The following SLC24A2 variants were observed in gnomAD, a reference collection of about 807,000 sequenced individuals.
SLC24A2 encodes the protein sodium/potassium/calcium exchanger 2.
Under a neutral mutation model 62.0 loss-of-function variants are expected in SLC24A2, and 36 were observed. The observed-to-expected ratio is 0.58, with a 90% CI of 0.44 to 0.77. The LOEUF (loss-of-function observed/expected upper bound fraction) is 0.77. Among genes scored for constraint, SLC24A2 ranks in the 30% least tolerant of loss-of-function variants. The probability of loss-of-function intolerance (pLI) is 0.00; values close to 1 mark genes in which losing one functional copy is unlikely to be tolerated. For synonymous variants in SLC24A2, 358 were observed against 294.0 expected, an observed-to-expected ratio of 1.22 and a Z score of -2.23; for missense variants, 846 against 817.9, an observed-to-expected ratio of 1.03 and a Z score of -0.42.
chr9:20,019,291 G>GAAAA, the SLC24A2 span, among the ~76,000 whole-genome samples: 1 of 149,844 alleles, frequency 6.7e-6, no homozygotes, highest in African/African-American at 2.5e-5. Context: ...AAGAAAGAAA[G>GAAAA]AAAGAAAGAA....
the SLC24A2 span, among the ~76,000 whole-genome samples, chr9:20,145,628 T>C: frequency 0.014 from 6 of 436 alleles, no homozygotes; most frequent in African/African-American, 0.018. Context: ...TGTGCACGTG[T>C]GCAATTACAC....
chr9:19,568,966 A>T (rs1368832754), intron 7 of SLC24A2, among the ~76,000 whole-genome samples: 1 of 152,176 alleles, frequency 6.6e-6, no homozygotes, highest in Non-Finnish European at 1.5e-5. Context: ...TTCCGTGTAC[A>T]AATATACTGG....
the SLC24A2 span, among the ~76,000 whole-genome samples, chr9:20,299,353 G>C: frequency 2.0e-5 from 3 of 152,322 alleles, no homozygotes; most frequent in African/African-American, 7.2e-5. Flanking sequence ...GAGCAGGTGG[G>C]AATACACTAA....
At chr9:19,570,977 G>C (rs1019426294) in intron 7 of SLC24A2, among the ~76,000 whole-genome samples, 5 of 152,186 alleles carry the variant, frequency 3.3e-5, no homozygotes, top group African/African-American at 1.2e-4. Context: ...TGGAGACCTA[G>C]GGCCACAGCT....
At chr9:19,932,942 G>A in the SLC24A2 span, among the ~76,000 whole-genome samples, 7 of 152,214 alleles carry the variant, frequency 4.6e-5, no homozygotes, top group Non-Finnish European at 1.0e-4. Flanking sequence ...GGAACCTAAG[G>A]CTGGAAGGCC....
At chr9:19,963,620 G>C in the SLC24A2 span, among the ~76,000 whole-genome samples, 1 of 152,220 alleles carries the variant, frequency 6.6e-6, no homozygotes, top group Non-Finnish European at 1.5e-5. Flanking sequence ...ATGAAAAAAT[G>C]CTCACCATCA....
At chr9:19,570,946 A>G (rs1045611814) in intron 7 of SLC24A2, among the ~76,000 whole-genome samples, 1 of 152,160 alleles carries the variant, frequency 6.6e-6, no homozygotes, top group Non-Finnish European at 1.5e-5. Context: ...GTGGTGCACA[A>G]ATCTGTCCTG....
At chr9:19,686,992 T>G (rs60591354) in intron 2 of SLC24A2, among the ~76,000 whole-genome samples, 5 of 152,124 alleles carry the variant, frequency 3.3e-5, no homozygotes, top group African/African-American at 1.2e-4. Flanking sequence ...GCAACATAGA[T>G]GGAGCTGGAG....
chr9:19,522,092 T>C (rs978682969), intron 9 of SLC24A2, among the ~76,000 whole-genome samples: 1 of 152,208 alleles, frequency 6.6e-6, no homozygotes, highest in Non-Finnish European at 1.5e-5. Context: ...CACTGCAGCC[T>C]CAACCTCCTG....
At chr9:20,261,086 C>A in the SLC24A2 span, among the ~76,000 whole-genome samples, 1 of 151,898 alleles carries the variant, frequency 6.6e-6, no homozygotes, top group Non-Finnish European at 1.5e-5. Flanking sequence ...GATCTCTTGA[C>A]CTCGTGATCT....
intron 2 of SLC24A2, among the ~76,000 whole-genome samples, chr9:19,636,315 T>TTTCCTTTTCTTTCCTTCC (rs1554690361): frequency 2.5e-5 from 1 of 40,328 alleles, no homozygotes; most frequent in Non-Finnish European, 4.7e-5. Flanking sequence ...TTTTCTTTTC[T>TTTCCTTTTCTTTCCTTCC]TTTCTTTCTT....
At chr9:19,956,998 A>G in the SLC24A2 span, among the ~76,000 whole-genome samples, 1 of 152,240 alleles carries the variant, frequency 6.6e-6, no homozygotes, top group African/African-American at 2.4e-5. Context: ...GACTGTGAGA[A>G]ATAAATTTCT....
chr9:20,019,296 A>AAAGAAAGG, the SLC24A2 span, among the ~76,000 whole-genome samples: 5 of 150,186 alleles, frequency 3.3e-5, no homozygotes, highest in African/African-American at 1.2e-4. Context: ...AGAAAGAAAG[A>AAAGAAAGG]AAGAAAGAAA....
intron 7 of SLC24A2, among the ~76,000 whole-genome samples, chr9:19,556,601 C>G (rs1010150430): frequency 6.6e-6 from 1 of 152,264 alleles, no homozygotes; most frequent in African/African-American, 2.4e-5. Context: ...CCAGTTGAGG[C>G]TTGATTCAGG....
At chr9:19,543,546 T>G (rs1188990890) in intron 8 of SLC24A2, among the ~76,000 whole-genome samples, 1 of 152,128 alleles carries the variant, frequency 6.6e-6, no homozygotes, top group Non-Finnish European at 1.5e-5. Context: ...TTAGATCTTT[T>G]CTGCTTTCTC....
the SLC24A2 span, among the ~76,000 whole-genome samples, chr9:20,013,924 G>C: frequency 6.6e-6 from 1 of 152,170 alleles, no homozygotes; most frequent in African/African-American, 2.4e-5. Context: ...AAAGATAAAA[G>C]ATGGCTGGGC....
the SLC24A2 span, among the ~76,000 whole-genome samples, chr9:19,907,562 G>T: frequency 5.9e-5 from 9 of 152,184 alleles, no homozygotes; most frequent in African/African-American, 2.2e-4. Flanking sequence ...TGACATGATT[G>T]TATATCTAGA....
the SLC24A2 span, among the ~76,000 whole-genome samples, chr9:20,171,234 C>G: frequency 1.3e-5 from 2 of 151,802 alleles, no homozygotes; most frequent in Non-Finnish European, 2.9e-5. Flanking sequence ...AATCTTGAAA[C>G]AAATCCTGGA....
the SLC24A2 span, among the ~76,000 whole-genome samples, chr9:20,091,894 T>C: frequency 6.6e-6 from 1 of 152,200 alleles, no homozygotes; most frequent in African/African-American, 2.4e-5. Context: ...ATATATACCA[T>C]GGAATACTAT....
Sources: gnomAD v4.1 joint callset for allele counts (sites outside exome capture counted in the v4.1 genomes callset) on GRCh38, gnomAD v4.1.1 for gene constraint, MANE v1.5 for transcripts, NCBI Gene and HGNC (gene_info 2026-07-23, HGNC 2026-07-21) for gene names.